The following EIF2AK4 variants were observed in gnomAD, a reference collection of about 807,000 sequenced individuals.
The protein encoded by EIF2AK4 is eIF-2-alpha kinase GCN2.
Under a neutral mutation model 211.1 loss-of-function variants are expected in EIF2AK4, and 139 were observed. The ratio of observed to expected loss-of-function variants is 0.66; its 90% CI spans 0.57 to 0.76. EIF2AK4 has a LOEUF of 0.76. Ranked by LOEUF, EIF2AK4 falls within the 30% of genes least tolerant of loss-of-function variation. The probability of loss-of-function intolerance (pLI) is 0.00; values close to 1 mark genes in which losing one functional copy is unlikely to be tolerated. For synonymous variants in EIF2AK4, 710 were observed against 751.3 expected (o/e 0.94, Z 0.90); for missense variants, 1,664 against 2,043.8 (o/e 0.81, Z 3.58).
chr15:39,940,123 C>T (rs992935588), intron 2 of EIF2AK4, among the ~76,000 whole-genome samples: 4 of 152,196 alleles, frequency 2.6e-5, no homozygotes, highest in East Asian at 1.9e-4. Context: ...CACTGCAGTA[C>T]GTTTAGCATC....
intron 9 of EIF2AK4, among the ~76,000 whole-genome samples, chr15:39,969,694 A>G (rs191984619): frequency 2.6e-4 from 39 of 152,102 alleles, no homozygotes; most frequent in Admixed American, 1.6e-3. Context: ...TCTTTAGACT[A>G]TTTTGTATAC....
intron 31 of EIF2AK4, chr15:40,021,432 C>T (rs956889812): frequency 1.3e-5 from 2 of 155,298 alleles, no homozygotes; most frequent in Non-Finnish European, 2.9e-5. Context: ...GTTCTTACAT[C>T]TGTCTCTAAC....
intron 2 of EIF2AK4, among the ~76,000 whole-genome samples, chr15:39,940,083 C>T (rs2034124459): frequency 6.6e-6 from 1 of 152,172 alleles, no homozygotes; most frequent in East Asian, 1.9e-4. Context: ...GGCACTCTGG[C>T]GAGTGTCCAT....
rs759754025 is a variant in EIF2AK4, at chr15:40,009,771, T to G, written c.3693+41T>G. On this transcript the variant is annotated intron_variant, in intron 26 of 38. Transcript: ENST00000263791. ...CTTATGATGTTGAAAGATAATACCTTGATGTTGAAAGATAATAATAATAGT... is the reference window on the plus strand; with the variant it reads ...CTTATGATGTTGAAAGATAATACCTGGATGTTGAAAGATAATAATAATAGT... 2.0e-5 allele frequency: 26 copies of G among 1,291,908 alleles called. No homozygotes were observed. The East Asian group carries it at 5.9e-4, about 30-fold the overall frequency. 80.0% of individuals were successfully genotyped at this position (1,291,908 alleles called of 1,614,324 possible). A position where few individuals can be genotyped will look rare whatever the true frequency, so the allele number is the denominator to read the frequency against.
rs936926249 is a variant in EIF2AK4, at chr15:40,034,954, A to G, written c.4893-73A>G. The stretch of plus-strand genomic sequence containing the variant: ...CTTAAATAAAGCTCCTACAGGTGTT[A>G]TAAAAATTTATTAGCTCTGTTCTTC... On this transcript the variant is annotated intron_variant, in intron 38 of 38. Coordinates refer to ENST00000263791, the MANE Select transcript of EIF2AK4 (RefSeq NM_001013703.4). 3.4e-5 allele frequency: 42 copies of G among 1,235,464 alleles called. No homozygotes were observed. The East Asian group carries it at 3.6e-4, about 11-fold the overall frequency. 76.5% of individuals were successfully genotyped at this position (1,235,464 alleles called of 1,614,324 possible).
intron 32 of EIF2AK4, among the ~76,000 whole-genome samples, chr15:40,023,324 T>C (rs950280593): frequency 2.0e-5 from 3 of 152,222 alleles, no homozygotes; most frequent in Admixed American, 6.5e-5. Flanking sequence ...AAAAAAACTT[T>C]CTTAAAAATA....
chr15:40,004,998 T>A (rs2140936238), intron 23 of EIF2AK4, among the ~76,000 whole-genome samples: 1 of 152,310 alleles, frequency 6.6e-6, no homozygotes, highest in East Asian at 1.9e-4. Context: ...AAAAAAAAAT[T>A]CCAACAAGCA....
At chr15:40,018,424 T>TTGA (rs1287493289) in intron 29 of EIF2AK4, among the ~76,000 whole-genome samples, 1 of 150,552 alleles carries the variant, frequency 6.6e-6, no homozygotes, top group Non-Finnish European at 1.5e-5. Context: ...TTTGGAGGAT[T>TTGA]TTTTCAGGCA....
chr15:39,944,092 G>A (rs1595541395), intron 3 of EIF2AK4, among the ~76,000 whole-genome samples: 1 of 152,042 alleles, frequency 6.6e-6, no homozygotes, highest in Admixed American at 6.5e-5. Flanking sequence ...AAACAATTTC[G>A]GACCACCTCT....
intron 23 of EIF2AK4, 58 bp from the exon 24 acceptor site, chr15:40,006,958 C>T (rs780626295): frequency 1.2e-4 from 158 of 1,306,504 alleles, no homozygotes; most frequent in Non-Finnish European, 1.6e-4. Flanking sequence ...TCAATAAAGC[C>T]GCTATTAACA....
chr15:40,025,472 G>T (rs915907190), intron 32 of EIF2AK4, among the ~76,000 whole-genome samples: 32 of 152,146 alleles, frequency 2.1e-4, no homozygotes, highest in African/African-American at 7.5e-4. Flanking sequence ...GCTGGCCAGG[G>T]GAGTGAAGAT....
chr15:40,005,727 A>T (rs1395747532), intron 23 of EIF2AK4, among the ~76,000 whole-genome samples: 1 of 151,608 alleles, frequency 6.6e-6, no homozygotes, highest in Non-Finnish European at 1.5e-5. Flanking sequence ...GCCCGCTACC[A>T]TGCCCGGCTA....
At chr15:39,949,748 G>C (rs146907246) in intron 4 of EIF2AK4, among the ~76,000 whole-genome samples, 59 of 151,996 alleles carry the variant, frequency 3.9e-4, no homozygotes, top group African/African-American at 1.3e-3. Flanking sequence ...AAAATACAAA[G>C]ATTAAATACC....
intron 9 of EIF2AK4, among the ~76,000 whole-genome samples, chr15:39,970,074 G>C (rs8029465): frequency 0.92 from 139,612 of 152,268 alleles, 64,372 homozygotes; most frequent in Middle Eastern, 0.97. Flanking sequence ...TTAGTTAACA[G>C]CCATAAAGTG....
At chr15:39,947,315 C>T (rs1413653295) in intron 3 of EIF2AK4, among the ~76,000 whole-genome samples, 1 of 152,112 alleles carries the variant, frequency 6.6e-6, no homozygotes, top group Admixed American at 6.6e-5. Flanking sequence ...TTCACTGATA[C>T]TTGCCTTTTA....
intron 1 of EIF2AK4, among the ~76,000 whole-genome samples, chr15:39,937,608 T>G (rs527964676): frequency 8.5e-5 from 13 of 152,082 alleles, no homozygotes; most frequent in East Asian, 5.8e-4. Context: ...TCCCTGTGGG[T>G]TTTTTTTCCC....
In EIF2AK4 at chr15:39,953,901, C is replaced by T. The variant is rs1236751697; in HGVS notation, c.514-3C>T. 1.2e-6 allele frequency: 2 copies of T among 1,610,312 alleles called. No individual in the cohort carries two copies. The highest frequency in any genetic ancestry group is 1.7e-6 in the Non-Finnish European group (2 of 1,179,046). ...CATTTGATGATGGTTTGATTTATTT[C>T]AGCAACGTGAAATCCTGCATGAGAT... On this transcript the variant is annotated splice_polypyrimidine_tract_variant and splice_region_variant and intron_variant, in intron 4 of 38. Coordinates refer to ENST00000263791, the MANE Select transcript of EIF2AK4 (RefSeq NM_001013703.4).
chr15:40,034,447 A>G lies in EIF2AK4; in HGVS notation c.4892+3A>G, dbSNP rs1567012842. 6.2e-7 allele frequency: 1 copy of G among 1,609,210 alleles called. No homozygotes were observed. The highest frequency in any genetic ancestry group is 1.3e-5 in the African/African-American group (1 of 74,958). The stretch of plus-strand genomic sequence containing the variant: ...TATAACATCAAAGTAGAAAAAAAGT[A>G]AGTTATCACTTGGGCATAGCAGGGT... On this transcript the variant is annotated splice_donor_region_variant and intron_variant, in intron 38 of 38. Coordinates refer to ENST00000263791, the MANE Select transcript of EIF2AK4 (RefSeq NM_001013703.4).
At chr15:39,969,505 C>T (rs781502604) in intron 9 of EIF2AK4, among the ~76,000 whole-genome samples, 1 of 151,948 alleles carries the variant, frequency 6.6e-6, no homozygotes, top group African/African-American at 2.4e-5. Context: ...GGTCTACAGG[C>T]GCCCGCTACT....
Sources: allele counts gnomAD v4.1 joint callset (sites outside exome capture counted in the v4.1 genomes callset), GRCh38; gene constraint gnomAD v4.1.1; transcripts MANE v1.5; gene names NCBI Gene and HGNC (gene_info 2026-07-23, HGNC 2026-07-21).